Variants in EPHA5 observed in about 807,000 individuals in gnomAD.
EPHA5 encodes ephrin type-A receptor 5.
In EPHA5, 60 loss-of-function variants were observed where a neutral mutation model predicts 105.0. That is an observed-to-expected ratio of 0.57 (90% CI 0.46 to 0.71). The LOEUF is 0.71. Among genes scored for constraint, EPHA5 ranks in the 30% least tolerant of loss-of-function variants. The pLI is 0.00. For missense variants in EPHA5, 1,218 were observed against 1,274.7 expected (o/e 0.96, Z 0.68); for synonymous variants, 513 against 449.1 (o/e 1.14, Z -1.80).
chr4:65,473,799 T>C (rs1729521171), intron 5 of EPHA5, among the ~76,000 whole-genome samples: 1 of 151,966 alleles, frequency 6.6e-6, no homozygotes, highest in Non-Finnish European at 1.5e-5. Context: ...CAAGTAGTGA[T>C]CATAGTACCC....
chr4:65,327,236 T>C (rs1430094485), intron 16 of EPHA5, among the ~76,000 whole-genome samples: 4 of 151,280 alleles, frequency 2.6e-5, no homozygotes, highest in African/African-American at 2.4e-5. Flanking sequence ...CTGTACTTTG[T>C]CAGAACATTT....
chr4:65,589,706 T>C (rs1247231613), intron 3 of EPHA5, among the ~76,000 whole-genome samples: 1 of 152,068 alleles, frequency 6.6e-6, no homozygotes, highest in Non-Finnish European at 1.5e-5. Flanking sequence ...TACAGGTCAG[T>C]CTGGTTCTAA....
chr4:65,481,391 T>C (rs1359482824), intron 5 of EPHA5, among the ~76,000 whole-genome samples: 1 of 152,224 alleles, frequency 6.6e-6, no homozygotes, highest in East Asian at 1.9e-4. Context: ...TCATGAGCAT[T>C]GGAATATTTG....
chr4:65,360,932 A>G (rs1717246646), intron 11 of EPHA5, among the ~76,000 whole-genome samples: 1 of 151,622 alleles, frequency 6.6e-6, no homozygotes, highest in Non-Finnish European at 1.5e-5. Context: ...GTGATAAAAC[A>G]TGTGCAGATT....
intron 3 of EPHA5, among the ~76,000 whole-genome samples, chr4:65,529,876 A>C (rs2149299308): frequency 6.6e-6 from 1 of 152,244 alleles, no homozygotes; most frequent in Admixed American, 6.5e-5. Flanking sequence ...GGCCATTAGA[A>C]AGCAATATTT....
chr4:65,395,957 A>G (rs889466605), intron 8 of EPHA5, among the ~76,000 whole-genome samples: 75 of 152,312 alleles, frequency 4.9e-4, no homozygotes, highest in Middle Eastern at 6.8e-3. Context: ...GAAGATGTCA[A>G]TGGATGGAAA....
intron 6 of EPHA5, among the ~76,000 whole-genome samples, chr4:65,415,317 A>G (rs1723287420): frequency 6.6e-6 from 1 of 152,086 alleles, no homozygotes; most frequent in Non-Finnish European, 1.5e-5. Flanking sequence ...TTCCTCACAG[A>G]GATGTTGTAA....
intron 16 of EPHA5, chr4:65,331,060 T>G: frequency 1.1e-6 from 1 of 920,256 alleles, no homozygotes; most frequent in Non-Finnish European, 1.3e-6. Context: ...GTTCATATCA[T>G]GTGTACAAAT....
At chr4:65,443,202 G>A (rs377072959) in intron 5 of EPHA5, among the ~76,000 whole-genome samples, 16 of 152,034 alleles carry the variant, frequency 1.1e-4, no homozygotes, top group African/African-American at 3.6e-4. Flanking sequence ...GTACTTCATA[G>A]ATGTTTCTGC....
intron 7 of EPHA5, among the ~76,000 whole-genome samples, chr4:65,411,591 T>C (rs1409544799): frequency 2.0e-5 from 3 of 152,116 alleles, no homozygotes; most frequent in Non-Finnish European, 2.9e-5. Flanking sequence ...TCTTTAACTA[T>C]GACTTACCAA....
At chr4:65,451,679 C>T (rs1417854307) in intron 5 of EPHA5, among the ~76,000 whole-genome samples, 2 of 151,996 alleles carry the variant, frequency 1.3e-5, no homozygotes, top group Non-Finnish European at 2.9e-5. Flanking sequence ...TTTTTGTAAA[C>T]TTTCTATATA....
chr4:65,354,115 T>C (rs1723083020), intron 11 of EPHA5, among the ~76,000 whole-genome samples: 1 of 151,750 alleles, frequency 6.6e-6, no homozygotes, highest in African/African-American at 2.4e-5. Context: ...CAATGGCGCC[T>C]ACCTCATAGG....
At chr4:65,479,451 T>C (rs1350369856) in intron 5 of EPHA5, among the ~76,000 whole-genome samples, 1 of 152,190 alleles carries the variant, frequency 6.6e-6, no homozygotes, top group Non-Finnish European at 1.5e-5. Flanking sequence ...TCTTCTGAAA[T>C]AAATCACATT....
In EPHA5 at chr4:65,332,006, C is replaced by A. The variant is rs773062561; in HGVS notation, c.2912G>T (p.Ser971Ile). ...CACCTGAGCCACAGCGTCCATTGAA[C>A]TGTATCCATTTTCCATGAAAATCTC... ...YTEIFMENGYSSMDAVAQVTL... is the reference protein window; with the variant it reads ...YTEIFMENGYISMDAVAQVTL... The change falls in exon 16 of 17, where the codon AGT becomes ATT. Residue 971 changes from serine (S) to isoleucine (I), a missense_variant. By Grantham distance (142) the Ser-to-Ile change is moderately radical. Transcript: ENST00000613740. 1 of 1,611,436 alleles carries A rather than the reference C, an allele frequency of 6.2e-7. No individual in the cohort carries two copies. The highest frequency in any genetic ancestry group is 8.5e-7 in the Non-Finnish European group (1 of 1,178,468).
intron 14 of EPHA5, among the ~76,000 whole-genome samples, chr4:65,339,259 G>C (rs1464275546): frequency 6.6e-6 from 1 of 151,954 alleles, no homozygotes; most frequent in East Asian, 1.9e-4. Context: ...TACCTGTTGT[G>C]GGTATGGTTG....
intron 3 of EPHA5, among the ~76,000 whole-genome samples, chr4:65,558,351 A>G (rs34464284): frequency 0.21 from 32,466 of 152,054 alleles, 3,592 homozygotes; most frequent in South Asian, 0.26. Context: ...AACTAAACCT[A>G]AAATGCATGC....
chr4:65,423,433 A>C (rs1177861178), intron 5 of EPHA5, among the ~76,000 whole-genome samples: 1 of 152,008 alleles, frequency 6.6e-6, no homozygotes, highest in African/African-American at 2.4e-5. Flanking sequence ...CACTTTCTTG[A>C]TGGTGGAATA....
At position 65,324,180 on chromosome 4, in the gene EPHA5, C is replaced by T. The variant is rs2148776753; in HGVS notation, c.2985G>A (p.Gln995=). The change falls in exon 17 of 17, where the codon CAG becomes CAA. Residue 995 remains glutamine (Q), a synonymous_variant. Coordinates refer to ENST00000613740, the MANE Select transcript of EPHA5 (RefSeq NM_001281766.3). The part of the protein sequence containing the change: ...RRLGVTLVGH[Q]KKIMNSLQEM... ...CTTGAAGGCTGTTCATGATCTTCTTCTGGTGACCGACAAGAGTCACTCCAA... is the reference window on the plus strand; with the variant it reads ...CTTGAAGGCTGTTCATGATCTTCTTTTGGTGACCGACAAGAGTCACTCCAA... 1 of 1,609,588 alleles carries T rather than the reference C, an allele frequency of 6.2e-7. No individual in the cohort carries two copies. Among genetic ancestry groups the T allele is most frequent in the Non-Finnish European group, 8.5e-7 (1 of 1,177,074 alleles).
chr4:65,574,735 T>TATACAC (rs1560718334), intron 3 of EPHA5, among the ~76,000 whole-genome samples: 1,442 of 102,102 alleles, frequency 0.014, 16 homozygotes, highest in Non-Finnish European at 0.02. Context: ...TATATACATA[T>TATACAC]ATATATACAT....
Sources: gnomAD v4.1 joint callset for allele counts (sites outside exome capture counted in the v4.1 genomes callset) on GRCh38, gnomAD v4.1.1 for gene constraint, MANE v1.5 for transcripts, NCBI Gene and HGNC (gene_info 2026-07-23, HGNC 2026-07-21) for gene names.